Variants in FOXP1 observed in about 807,000 individuals in gnomAD.
FOXP1 encodes forkhead box P1.
A neutral mutation model predicts 98.2 loss-of-function variants in FOXP1; 15 were observed. The ratio of observed to expected loss-of-function variants is 0.15; its 90% CI spans 0.10 to 0.24. The LOEUF is 0.24. Among genes scored for constraint, FOXP1 ranks in the 10% least tolerant of loss-of-function variants. The pLI is 1.00. For synonymous variants in FOXP1, 371 were observed against 314.5 expected (o/e 1.18, Z -1.90); for missense variants, 633 against 848.5 (o/e 0.75, Z 3.15).
At chr3:71,193,809 G>T (rs914138901) in intron 6 of FOXP1, among the ~76,000 whole-genome samples, 4 of 152,112 alleles carry the variant, frequency 2.6e-5, no homozygotes, top group Non-Finnish European at 5.9e-5. Flanking sequence ...CCATTTCTCT[G>T]AGCTTCTTGC....
At chr3:71,561,174 A>G (rs1317558565) in intron 2 of FOXP1, among the ~76,000 whole-genome samples, 4 of 151,994 alleles carry the variant, frequency 2.6e-5, no homozygotes, top group Admixed American at 2.6e-4. Flanking sequence ...CTGGTGCCTC[A>G]GCCTCCTGAG....
At chr3:71,000,078 C>T (rs184630444) in intron 13 of FOXP1, among the ~76,000 whole-genome samples, 62 of 152,040 alleles carry the variant, frequency 4.1e-4, no homozygotes, top group Non-Finnish European at 1.5e-5. Flanking sequence ...CCTTTTCTGA[C>T]CTAATTTTTA....
intron 3 of FOXP1, among the ~76,000 whole-genome samples, chr3:71,442,222 C>A (rs2086002943): frequency 6.6e-6 from 1 of 152,170 alleles, no homozygotes; most frequent in African/African-American, 2.4e-5. Flanking sequence ...TACTGTAACA[C>A]CCTGACATTG....
intron 12 of FOXP1, among the ~76,000 whole-genome samples, chr3:71,004,277 T>G (rs1030707403): frequency 6.6e-6 from 1 of 152,084 alleles, no homozygotes; most frequent in African/African-American, 2.4e-5. Flanking sequence ...AAATATTACA[T>G]GAGCCTGTTA....
At chr3:71,101,119 C>T (rs1307843158) in intron 7 of FOXP1, among the ~76,000 whole-genome samples, 1 of 152,082 alleles carries the variant, frequency 6.6e-6, no homozygotes, top group Non-Finnish European at 1.5e-5. Flanking sequence ...CAGAAAATAC[C>T]AGCGGAAGGA....
At chr3:71,482,933 C>A (rs1246216248) in intron 3 of FOXP1, among the ~76,000 whole-genome samples, 1 of 151,708 alleles carries the variant, frequency 6.6e-6, no homozygotes, top group Non-Finnish European at 1.5e-5. Flanking sequence ...CTCCAGGATT[C>A]AAACTATCCC....
chr3:71,509,295 C>T (rs757965991), intron 2 of FOXP1, among the ~76,000 whole-genome samples: 1 of 152,082 alleles, frequency 6.6e-6, no homozygotes, highest in African/African-American at 2.4e-5. Context: ...AGCTGAAAGT[C>T]GAAGATCAAG....
intron 3 of FOXP1, among the ~76,000 whole-genome samples, chr3:71,372,354 C>T (rs1045551785): frequency 3.9e-5 from 6 of 152,104 alleles, no homozygotes; most frequent in Non-Finnish European, 8.8e-5. Context: ...AATAGAAAGT[C>T]ACCTTTTCCA....
chr3:71,200,898 T>C (rs1381661075), intron 5 of FOXP1, among the ~76,000 whole-genome samples: 1 of 152,194 alleles, frequency 6.6e-6, no homozygotes, highest in Non-Finnish European at 1.5e-5. Context: ...TTCACATGTT[T>C]CTTCATTTCC....
At position 71,043,085 on chromosome 3, in the gene FOXP1, G is replaced by A. The variant is rs905291295; in HGVS notation, c.665-1553C>T. 5.3e-5 allele frequency among the ~76,000 whole-genome samples: 8 copies of A among 152,234 alleles called. No individual in the cohort carries two copies. The South Asian group carries it at 6.2e-4, about 12-fold the overall frequency. On this transcript the variant is annotated intron_variant, in intron 10 of 20. Transcript: ENST00000649528. ...CCTTCCCCGCCTTTCTGAGAGGAGC[G>A]TTAACAAAAACAGTTGGTCCCTCCT...
chr3:71,096,134 G>A (rs977112807), intron 7 of FOXP1, among the ~76,000 whole-genome samples: 1 of 152,218 alleles, frequency 6.6e-6, no homozygotes, highest in African/African-American at 2.4e-5. Context: ...GGCTTGCATT[G>A]CTGAAATAAG....
At chr3:71,115,736 T>TA (rs2058324389) in intron 6 of FOXP1, among the ~76,000 whole-genome samples, 1 of 94,594 alleles carries the variant, frequency 1.1e-5, no homozygotes. Context: ...ACAAAACTAT[T>TA]CTTTTTTTTT....
At chr3:71,224,730 C>T (rs1478761482) in intron 5 of FOXP1, among the ~76,000 whole-genome samples, 1 of 152,164 alleles carries the variant, frequency 6.6e-6, no homozygotes, top group African/African-American at 2.4e-5. Context: ...ATCCCCTCAC[C>T]CAGTGGTTCT....
chr3:71,435,994 G>GGAGGGAC (rs2085313332), intron 3 of FOXP1, among the ~76,000 whole-genome samples: 1 of 122,880 alleles, frequency 8.1e-6, no homozygotes, highest in Admixed American at 8.1e-5. Flanking sequence ...GAAGGAGGGA[G>GGAGGGAC]GGAGGATAGA....
chr3:71,210,567 C>T (rs1014417178), intron 5 of FOXP1, among the ~76,000 whole-genome samples: 2 of 152,130 alleles, frequency 1.3e-5, no homozygotes, highest in African/African-American at 4.8e-5. Context: ...GTTCTACTGC[C>T]CTTGAGAAAG....
At chr3:71,175,189 G>T (rs2061872576) in intron 6 of FOXP1, among the ~76,000 whole-genome samples, 1 of 152,346 alleles carries the variant, frequency 6.6e-6, no homozygotes, top group Non-Finnish European at 1.5e-5. Flanking sequence ...TGGGATTACA[G>T]GCTTGAGCCA....
chr3:71,293,107 A>C (rs1461518161), intron 5 of FOXP1, among the ~76,000 whole-genome samples: 1 of 152,160 alleles, frequency 6.6e-6, no homozygotes, highest in Non-Finnish European at 1.5e-5. Context: ...GCTACCTTTT[A>C]TAATATTTTG....
intron 18 of FOXP1, chr3:70,971,144 C>G (rs540565706): frequency 2.9e-6 from 1 of 346,376 alleles, no homozygotes; most frequent in South Asian, 2.5e-5. Context: ...CCTAGGAGGT[C>G]GTGCTGGGGA....
chr3:71,107,581 A>G (rs1008755611), intron 7 of FOXP1, among the ~76,000 whole-genome samples: 2 of 152,172 alleles, frequency 1.3e-5, no homozygotes, highest in African/African-American at 2.4e-5. Flanking sequence ...AGGGGTGCCA[A>G]TTCTAGACTA....
Sources: allele counts gnomAD v4.1 joint callset (sites outside exome capture counted in the v4.1 genomes callset), GRCh38; gene constraint gnomAD v4.1.1; transcripts MANE v1.5; gene names NCBI Gene and HGNC (gene_info 2026-07-23, HGNC 2026-07-21).